The following CDC42EP1 variants were observed in gnomAD, a reference collection of about 807,000 sequenced individuals.
CDC42EP1 encodes the protein CDC42 effector protein 1.
Under a neutral mutation model 7.4 loss-of-function variants are expected in CDC42EP1, and 6 were observed. That is an observed-to-expected ratio of 0.81 (90% confidence interval 0.44 to 1.60). The LOEUF is 1.60. Ranked by LOEUF, CDC42EP1 falls within the 40% of genes most tolerant of loss-of-function variation. The pLI is 0.01. For synonymous variants in CDC42EP1, 238 were observed against 227.1 expected, an observed-to-expected ratio of 1.05 and a Z score of -0.43; for missense variants, 567 against 539.0, an observed-to-expected ratio of 1.05 and a Z score of -0.51.
chr22:37,564,802 G>A (rs557591430), intron 1 of CDC42EP1, among the ~76,000 whole-genome samples: 4 of 152,278 alleles, frequency 2.6e-5, no homozygotes, highest in Admixed American at 6.5e-5. Context: ...TTTGTGAGAC[G>A]GAGTCTCGCT....
rs919604850 is a variant in CDC42EP1, at chr22:37,569,146, G to A, written c.*326G>A. The stretch of plus-strand genomic sequence containing the variant: ...TCCTTTGTGCCAGACCAAGCGGCCC[G>A]TGGGGGGTGGGGGGCAGGGAGTGTA... On this transcript the variant is annotated 3_prime_UTR_variant, in exon 3 of 3. Coordinates refer to ENST00000249014, the MANE Select transcript of CDC42EP1 (RefSeq NM_152243.3). 1.8e-5 allele frequency: 4 copies of A among 216,384 alleles called. No individual in the cohort carries two copies. The highest frequency in any genetic ancestry group is 1.8e-4 in the South Asian group (1 of 5,568). 13.4% of individuals were successfully genotyped at this position (216,384 alleles called of 1,614,324 possible). A position where few individuals can be genotyped will look rare whatever the true frequency, so the allele number is the denominator to read the frequency against.
rs202036648 is a variant in CDC42EP1 at position 37,568,380 on chromosome 22, C to T, written c.736C>T (p.Pro246Ser). 306 of 1,481,314 alleles carry T rather than the reference C, an allele frequency of 2.1e-4. 6 individuals are homozygous for T. In the South Asian group the frequency reaches 3.3e-3, roughly 16 times the overall value. 91.8% of individuals were successfully genotyped at this position (1,481,314 alleles called of 1,614,324 possible). A position where few individuals can be genotyped will look rare whatever the true frequency, so the allele number is the denominator to read the frequency against. Residue 246 changes from proline to serine, a missense_variant, in exon 3 of 3, where the codon CCA becomes TCA. Physicochemically the swap from Pro to Ser is moderately conservative, Grantham distance 74. Coordinates refer to ENST00000249014, the MANE Select transcript of CDC42EP1 (RefSeq NM_152243.3). The part of the protein sequence containing the change: ...ANPTGPAANP[P>S]ATTANPPAPA... ...CCCCACGGGTCCTGCTGCAAACCCC[C>T]CAGCCACTACTGCAAACCCCCCAGC...
chr22:37,562,149 C>G (rs1030113397), intron 1 of CDC42EP1, among the ~76,000 whole-genome samples: 2 of 152,240 alleles, frequency 1.3e-5, no homozygotes, highest in African/African-American at 2.4e-5. Context: ...TCCAAGCCCT[C>G]CAAATCGTCT....
At chr22:37,567,282 A>G (rs550239576) in intron 2 of CDC42EP1, among the ~76,000 whole-genome samples, 3 of 152,320 alleles carry the variant, frequency 2.0e-5, no homozygotes, top group Non-Finnish European at 2.9e-5. Flanking sequence ...GCTAAGATTC[A>G]GTGCCAGGAG....
intron 1 of CDC42EP1, among the ~76,000 whole-genome samples, chr22:37,563,141 G>A (rs1165913568): frequency 6.6e-6 from 1 of 152,036 alleles, no homozygotes; most frequent in Non-Finnish European, 1.5e-5. Flanking sequence ...GGGAGCTGGG[G>A]TGGGAGCAAG....
rs531375958 is a variant in CDC42EP1 at position 37,568,864 on chromosome 22, G to A, written c.*44G>A. The A allele has an allele frequency of 3.6e-5, 49 of 1,343,502 alleles. No individual in the cohort carries two copies. Among genetic ancestry groups the A allele is most frequent in the African/African-American group, 1.6e-4 (11 of 68,468 alleles). The allele number at this position is 1,343,502 out of a possible 1,614,324, so 83.2% of individuals were successfully genotyped here. On this transcript the variant is annotated 3_prime_UTR_variant, in exon 3 of 3. Coordinates refer to ENST00000249014, the MANE Select transcript of CDC42EP1 (RefSeq NM_152243.3). ...CAGGGCCCCACCTAGGTGCAGAGCCGGCCCCTCACCTAACAGCTGGTTCCT... is the reference window on the plus strand; with the variant it reads ...CAGGGCCCCACCTAGGTGCAGAGCCAGCCCCTCACCTAACAGCTGGTTCCT...
chr22:37,560,974 C>T (rs1316269077), intron 1 of CDC42EP1, among the ~76,000 whole-genome samples: 5 of 151,674 alleles, frequency 3.3e-5, no homozygotes, highest in Non-Finnish European at 5.9e-5. Flanking sequence ...TCCGCCGAGG[C>T]CCACGCGGAG....
intron 2 of CDC42EP1, 109 bp from the exon 3 acceptor site, chr22:37,567,999 G>A: frequency 1.2e-6 from 1 of 865,588 alleles, no homozygotes; most frequent in Non-Finnish European, 1.8e-6. Context: ...GCCAGAGAGG[G>A]GAGGGACTAG....
rs759160666 is a variant in CDC42EP1, at chr22:37,568,392, G to A, written c.748G>A (p.Ala250Thr). The change falls in exon 3 of 3, where the codon GCA becomes ACA. Residue 250 changes from alanine (A) to threonine (T), a missense_variant. Physicochemically the swap from Ala to Thr is moderately conservative, Grantham distance 58 (BLOSUM62 0). Coordinates refer to ENST00000249014, the MANE Select transcript of CDC42EP1 (RefSeq NM_152243.3). Reference sequence around the variant, plus strand: ...TGCTGCAAACCCCCCAGCCACTACTGCAAACCCCCCAGCGCCTGCTGCAAA... The same window carrying A: ...TGCTGCAAACCCCCCAGCCACTACTACAAACCCCCCAGCGCCTGCTGCAAA... ...GPAANPPATT[A>T]NPPAPAANPS... is the part of the protein sequence containing the mutation. 4 of 1,495,888 alleles carry A rather than the reference G, an allele frequency of 2.7e-6. No individual in the cohort carries two copies. Among genetic ancestry groups the A allele is most frequent in the Non-Finnish European group, 3.6e-6 (4 of 1,098,090 alleles). The allele number at this position is 1,495,888 out of a possible 1,614,324, so 92.7% of individuals were successfully genotyped here.
rs1274266708 is a variant in CDC42EP1 at position 37,561,433 on chromosome 22, C to G, written c.-279+845C>G. ...CGGCTCTAACTCGGGGCGGTGGGCA[C>G]GAAGCGCGTCTCCTTTCCACTTTCC... On this transcript the variant is annotated intron_variant, in intron 1 of 2. Transcript: ENST00000249014. Among the ~76,000 whole-genome samples, 3 of 152,330 alleles carry G rather than the reference C, an allele frequency of 2.0e-5. No individual in the cohort carries two copies. The East Asian group carries it at 5.8e-4, about 29-fold the overall frequency.
rs150186371 is a variant in CDC42EP1 at position 37,566,631 on chromosome 22, G to A, written c.282G>A (p.Ala94=). Residue 94 remains alanine, a synonymous_variant, in exon 2 of 3, where the codon GCG becomes GCA. Transcript: ENST00000249014. This position sits in a 1 kb window ranked among gnomAD's most constrained non-coding sequence, Gnocchi z 6.4. The part of the protein sequence containing the change: ...KKLQLVRRVG[A]PPRRMASPPA... ...TGCAGCTGGTGCGGAGGGTGGGGGC[G>A]CCCCCCCGGAGGATGGCATCTCCCC... 45 of 1,592,600 alleles carry A rather than the reference G, an allele frequency of 2.8e-5. No individual in the cohort carries two copies. The highest frequency in any genetic ancestry group is 5.1e-5 in the Admixed American group (3 of 58,280).
Position 37,567,956 on chromosome 22 carries a change from GT to G in CDC42EP1, c.464-151del. Reference sequence around the variant, plus strand: ...GGAAGATCACACAGGTGACCATGGAGTGTATTCTATTGGAAAGATGGGAGAA... The same window carrying G: ...GGAAGATCACACAGGTGACCATGGAGGTATTCTATTGGAAAGATGGGAGAA... On this transcript the variant is annotated intron_variant, in intron 2 of 2. Coordinates refer to ENST00000249014, the MANE Select transcript of CDC42EP1 (RefSeq NM_152243.3). 4 of 663,062 alleles carry G rather than the reference GT, an allele frequency of 6.0e-6. No individual in the cohort carries two copies. In the South Asian group the frequency reaches 7.2e-5, roughly 12 times the overall value. The allele number at this position is 663,062 out of a possible 1,614,324, so 41.1% of individuals were successfully genotyped here.
At position 37,566,935 on chromosome 22, in the gene CDC42EP1, A is replaced by G. The variant is rs1925270782; in HGVS notation, c.463+123A>G. The G allele has an allele frequency of 1.6e-6, 1 of 629,674 alleles. No homozygotes were observed. Among genetic ancestry groups the G allele is most frequent in the South Asian group, 2.6e-5 (1 of 38,074 alleles). The allele number at this position is 629,674 out of a possible 1,614,324, so 39.0% of individuals were successfully genotyped here. A position where few individuals can be genotyped will look rare whatever the true frequency, so the allele number is the denominator to read the frequency against. On this transcript the variant is annotated intron_variant, in intron 2 of 2. Coordinates refer to ENST00000249014, the MANE Select transcript of CDC42EP1 (RefSeq NM_152243.3). The surrounding 1 kb of genome is among the most constrained non-coding windows in gnomAD (Gnocchi z 6.4). The stretch of plus-strand genomic sequence containing the variant: ...ACCACAGAGGTCAGGCCCAGACCCC[A>G]CATCATGGATGGGGAGGGGGTGCAG...
At chr22:37,561,311 G>C (rs552824890) in intron 1 of CDC42EP1, among the ~76,000 whole-genome samples, 1 of 152,356 alleles carries the variant, frequency 6.6e-6, no homozygotes, top group East Asian at 1.9e-4. Flanking sequence ...TAGAGAGTAG[G>C]GGGGACTGGC....
intron 2 of CDC42EP1, among the ~76,000 whole-genome samples, chr22:37,567,195 C>G (rs920319634): frequency 6.6e-6 from 1 of 152,146 alleles, no homozygotes; most frequent in African/African-American, 2.4e-5. Context: ...CAATCCAGTT[C>G]TGCCTGAATT....
intron 1 of CDC42EP1, among the ~76,000 whole-genome samples, chr22:37,561,736 T>C (rs1601835614): frequency 6.6e-6 from 1 of 152,110 alleles, no homozygotes; most frequent in South Asian, 2.1e-4. Context: ...CCGCAGGAAG[T>C]GGGCTGTGTG....
intron 1 of CDC42EP1, among the ~76,000 whole-genome samples, chr22:37,562,638 C>T (rs1925085890): frequency 6.6e-6 from 1 of 152,126 alleles, no homozygotes; most frequent in South Asian, 2.1e-4. Context: ...CAGAGTCTCT[C>T]GACCGCAGTA....
In CDC42EP1 at chr22:37,568,220, T is replaced by A; in HGVS notation, c.576T>A (p.Ser192=). ...AGCCCGGGCTTCGCCGCTCTGACTC[T>A]CTCTTGTCCTTCCGCCTGGACCTCG... is the stretch of plus-strand genomic sequence containing the variant. ...PSEPGLRRSD[S]LLSFRLDLDL... The change falls in exon 3 of 3, where the codon TCT becomes TCA. Residue 192 remains serine, a synonymous_variant. Coordinates refer to ENST00000249014, the MANE Select transcript of CDC42EP1 (RefSeq NM_152243.3). 1 of 1,613,672 alleles carries A rather than the reference T, an allele frequency of 6.2e-7. No individual in the cohort carries two copies. Among genetic ancestry groups the A allele is most frequent in the Non-Finnish European group, 8.5e-7 (1 of 1,179,934 alleles).
At chr22:37,564,286 A>C (rs894803488) in intron 1 of CDC42EP1, 1 of 152,232 alleles carries the variant, frequency 6.6e-6, no homozygotes, top group African/African-American at 2.4e-5. Flanking sequence ...GGAGAGATGC[A>C]CAAGAAATAG....
Sources: allele counts gnomAD v4.1 joint callset (sites outside exome capture counted in the v4.1 genomes callset), GRCh38; gene constraint gnomAD v4.1.1; non-coding constraint Gnocchi (gnomAD v3.1); transcripts MANE v1.5; gene names NCBI Gene and HGNC (gene_info 2026-07-23, HGNC 2026-07-21).